Variants in DNAAF9 observed in about 807,000 individuals in gnomAD.
DNAAF9 encodes dynein axonemal assembly factor 9.
A neutral mutation model predicts 167.0 loss-of-function variants in DNAAF9; 90 were observed. The observed-to-expected ratio is 0.54, with a 90% CI of 0.45 to 0.64. The LOEUF (loss-of-function observed/expected upper bound fraction) is 0.64. Among genes scored for constraint, DNAAF9 ranks in the 30% least tolerant of loss-of-function variants. DNAAF9 has a pLI of 0.00. For missense variants in DNAAF9, 1,315 were observed against 1,442.2 expected (o/e 0.91, Z 1.43); for synonymous variants, 491 against 508.8 (o/e 0.96, Z 0.47).
At chr20:3,256,720 G>A (rs563191882) in intron 33 of DNAAF9, among the ~76,000 whole-genome samples, 2 of 152,224 alleles carry the variant, frequency 1.3e-5, no homozygotes, top group Non-Finnish European at 2.9e-5. Context: ...CTAAGACCCT[G>A]AGCGTGAGAC....
intron 6 of DNAAF9, among the ~76,000 whole-genome samples, chr20:3,365,373 T>TTTTATTTATTTATTTATTTATTTATTTA (rs145072503): frequency 6.7e-6 from 1 of 149,600 alleles, no homozygotes; most frequent in African/African-American, 2.5e-5. Flanking sequence ...TTTGATAACA[T>TTTTATTTATTTATTTATTTATTTATTTA]TTTATTTATT....
chr20:3,394,275 T>C (rs1600920797), intron 1 of DNAAF9, among the ~76,000 whole-genome samples: 3 of 151,494 alleles, frequency 2.0e-5, no homozygotes, highest in East Asian at 3.9e-4. Context: ...GAGGCGGAGG[T>C]TGCGGTGAGC....
At chr20:3,391,073 C>G (rs1036259699) in intron 1 of DNAAF9, among the ~76,000 whole-genome samples, 4 of 152,204 alleles carry the variant, frequency 2.6e-5, no homozygotes, top group African/African-American at 9.6e-5. Flanking sequence ...TGAAAAGTTT[C>G]CTTTCCACAA....
At chr20:3,340,320 T>C (rs199992276) in intron 10 of DNAAF9, among the ~76,000 whole-genome samples, 184 bp downstream of exon 10, 1 of 9,840 alleles carries the variant, frequency 1.0e-4, no homozygotes. Flanking sequence ...CATACCTAGT[T>C]TGTACTATAA....
intron 20 of DNAAF9, chr20:3,306,758 G>T (rs1240150365): frequency 1.8e-5 from 4 of 219,320 alleles, no homozygotes; most frequent in Non-Finnish European, 3.1e-5. Flanking sequence ...CCACAGTGCT[G>T]CCCCGTAGCC....
intron 8 of DNAAF9, 146 bp downstream of exon 8, chr20:3,348,379 G>A: frequency 4.8e-6 from 2 of 418,228 alleles, no homozygotes; most frequent in Non-Finnish European, 8.3e-6. Context: ...GCATGGGGGG[G>A]AACTACTTTA....
At position 3,303,005 on chromosome 20, in the gene DNAAF9, G is replaced by A. The variant is rs377496459; in HGVS notation, c.1782+1435C>T. ...TGTAATCCCAGCACTTTGGGAGGCCGAGGTGAGTGGATCACGAGGTCAGGA... is the reference window on the plus strand; with the variant it reads ...TGTAATCCCAGCACTTTGGGAGGCCAAGGTGAGTGGATCACGAGGTCAGGA... On this transcript the variant is annotated intron_variant, in intron 21 of 36. Transcript: ENST00000252032. 2.5e-3 allele frequency among the ~76,000 whole-genome samples: 388 copies of A among 152,230 alleles called. 1 individual carries two copies. Among genetic ancestry groups the A allele is most frequent in the African/African-American group, 8.3e-3 (345 of 41,544 alleles).
chr20:3,371,180 T>A (rs1382430833), intron 6 of DNAAF9, among the ~76,000 whole-genome samples: 2 of 151,582 alleles, frequency 1.3e-5, no homozygotes, highest in African/African-American at 4.9e-5. Flanking sequence ...TTTTGAGACT[T>A]CCTACAATCT....
chr20:3,366,455 C>T (rs1212967800), intron 6 of DNAAF9, among the ~76,000 whole-genome samples: 1 of 152,034 alleles, frequency 6.6e-6, no homozygotes, highest in East Asian at 1.9e-4. Flanking sequence ...TATCATCCAG[C>T]CTTTGGTGAT....
intron 26 of DNAAF9, 96 bp from the exon 27 acceptor site, chr20:3,287,886 G>A: frequency 9.2e-7 from 1 of 1,088,574 alleles, no homozygotes; most frequent in East Asian, 2.4e-5. Context: ...GAGTCCTAAA[G>A]CCATTCTGCC....
intron 20 of DNAAF9, among the ~76,000 whole-genome samples, chr20:3,313,755 C>CA (rs1056535330): frequency 1.3e-5 from 2 of 152,200 alleles, no homozygotes; most frequent in Non-Finnish European, 2.9e-5. Flanking sequence ...TGGCAAGAGG[C>CA]AGGCTGTTAA....
chr20:3,372,574 C>T (rs1358076971), intron 6 of DNAAF9, among the ~76,000 whole-genome samples: 2 of 152,092 alleles, frequency 1.3e-5, no homozygotes, highest in South Asian at 2.1e-4. Flanking sequence ...GTGTGATGCA[C>T]CTTAAGGTCA....
At chr20:3,325,734 C>T (rs1027509524) in intron 13 of DNAAF9, among the ~76,000 whole-genome samples, 1 of 152,126 alleles carries the variant, frequency 6.6e-6, no homozygotes, top group Non-Finnish European at 1.5e-5. Flanking sequence ...AGATAATGGT[C>T]AGAGAACGGG....
intron 10 of DNAAF9, among the ~76,000 whole-genome samples, chr20:3,336,414 G>GT (rs35399689): frequency 0.46 from 67,097 of 146,944 alleles, 15,050 homozygotes; most frequent in Middle Eastern, 0.58. Context: ...GTTTTGTTCA[G>GT]TTTTTTTTTT....
intron 27 of DNAAF9, among the ~76,000 whole-genome samples, chr20:3,282,899 C>T (rs2068786369): frequency 1.3e-5 from 2 of 152,210 alleles, no homozygotes; most frequent in African/African-American, 4.8e-5. Flanking sequence ...GCAACCCTCG[C>T]TTCTTGGCAT....
At chr20:3,361,732 C>T in intron 6 of DNAAF9, 4 of 728,492 alleles carry the variant, frequency 5.5e-6, no homozygotes, top group Non-Finnish European at 8.5e-6. Flanking sequence ...GTATCATTTA[C>T]AGTATCTTAA....
intron 1 of DNAAF9, among the ~76,000 whole-genome samples, chr20:3,396,411 G>A (rs1412399457): frequency 2.0e-5 from 3 of 152,136 alleles, no homozygotes; most frequent in African/African-American, 7.2e-5. Flanking sequence ...TGTGCCAACT[G>A]TTCAGAGCAC....
intron 1 of DNAAF9, among the ~76,000 whole-genome samples, chr20:3,404,600 T>G (rs559822283): frequency 6.6e-6 from 1 of 152,344 alleles, no homozygotes; most frequent in South Asian, 2.1e-4. Context: ...GACTCACTAT[T>G]CTATATTATG....
chr20:3,323,012 T>C (rs918553314), intron 14 of DNAAF9, among the ~76,000 whole-genome samples: 1 of 151,908 alleles, frequency 6.6e-6, no homozygotes, highest in Non-Finnish European at 1.5e-5. Context: ...CCTCCATCCC[T>C]GCTCTGAGCG....
Sources: gnomAD v4.1 joint callset for allele counts (sites outside exome capture counted in the v4.1 genomes callset) on GRCh38, gnomAD v4.1.1 for gene constraint, MANE v1.5 for transcripts, NCBI Gene and HGNC (gene_info 2026-07-23, HGNC 2026-07-21) for gene names.